The following MTUS2 variants were observed in gnomAD, a reference collection of about 807,000 sequenced individuals.
MTUS2 encodes microtubule associated scaffold protein 2.
A neutral mutation model predicts 114.1 loss-of-function variants in MTUS2; 40 were observed. The ratio of observed to expected loss-of-function variants is 0.35; its 90% confidence interval spans 0.27 to 0.46. The LOEUF (loss-of-function observed/expected upper bound fraction) is 0.46, where lower values mean the gene tolerates loss of function less well. MTUS2 is among the 20% of genes least tolerant of loss of function. The probability of loss-of-function intolerance (pLI) is 1.00; values close to 1 mark genes in which losing one functional copy is unlikely to be tolerated. For synonymous variants in MTUS2, 688 were observed against 672.0 expected (o/e 1.02, Z -0.37); for missense variants, 1,679 against 1,705.4 (o/e 0.98, Z 0.27).
intron 8 of MTUS2, among the ~76,000 whole-genome samples, chr13:29,365,760 C>G (rs896189781): frequency 3.9e-5 from 6 of 152,176 alleles, no homozygotes; most frequent in African/African-American, 1.4e-4. Flanking sequence ...TGGAATGTCA[C>G]CTGGCCATCC....
chr13:29,414,471 A>T lies in MTUS2; in HGVS notation c.3118-25512A>T, dbSNP rs1261400264. Among the ~76,000 whole-genome samples the T allele has an allele frequency of 8.3e-5, 5 of 60,424 alleles. 1 individual carries two copies. In the South Asian group the frequency reaches 1.4e-3, roughly 17 times the overall value. The allele number at this position is 60,424 out of a possible 152,430, so 39.6% of individuals were successfully genotyped here. A position where few individuals can be genotyped will look rare whatever the true frequency, so the allele number is the denominator to read the frequency against. On this transcript the variant is annotated intron_variant, in intron 8 of 15. Coordinates refer to ENST00000612955, the MANE Select transcript of MTUS2 (RefSeq NM_001033602.4). Reference sequence around the variant, plus strand: ...AGAGTATAATAAAAAAAAAAATTAAAAAAAAAAAAAAAAAAAGAAGACTGT... The same window carrying T: ...AGAGTATAATAAAAAAAAAAATTAATAAAAAAAAAAAAAAAAGAAGACTGT...
intron 5 of MTUS2, among the ~76,000 whole-genome samples, chr13:29,128,730 C>T (rs1174514763): frequency 3.3e-5 from 5 of 152,010 alleles, no homozygotes; most frequent in Admixed American, 2.0e-4. Context: ...CCATGTGTCA[C>T]TCATGTTGTT....
At chr13:29,128,920 C>T (rs1481042779) in intron 5 of MTUS2, among the ~76,000 whole-genome samples, 1 of 152,136 alleles carries the variant, frequency 6.6e-6, no homozygotes, top group Non-Finnish European at 1.5e-5. Flanking sequence ...ATGAGGAAAA[C>T]CTTCATCTTT....
rs576843935 is a variant in MTUS2 at position 29,456,951 on chromosome 13, C to A, written c.3184+16902C>A. 2.0e-5 allele frequency among the ~76,000 whole-genome samples: 3 copies of A among 151,740 alleles called. No individual in the cohort carries two copies. The East Asian group carries it at 5.8e-4, about 29-fold the overall frequency. On this transcript the variant is annotated intron_variant, in intron 9 of 15. Transcript: ENST00000612955. ...AGGAGATGGAGACCATCCTGGCTAA[C>A]ATGGTGAAACCCCGTCTCTACTAAA...
At chr13:29,488,101 C>T (rs1175091656) in intron 11 of MTUS2, 96 bp downstream of exon 11, 1 of 923,106 alleles carries the variant, frequency 1.1e-6, no homozygotes, top group East Asian at 2.5e-5. Flanking sequence ...CTCTCTTGTC[C>T]CTCCTTTCCT....
chr13:28,880,969 A>C (rs962345489), intron 2 of MTUS2, among the ~76,000 whole-genome samples: 19 of 152,336 alleles, frequency 1.2e-4, no homozygotes, highest in African/African-American at 4.6e-4. Flanking sequence ...TAGAATCACC[A>C]AGATACTTTT....
intron 5 of MTUS2, chr13:29,250,550 A>G (rs1244207103): frequency 6.7e-6 from 1 of 150,374 alleles, no homozygotes; most frequent in Non-Finnish European, 1.5e-5. Flanking sequence ...CCGGAGGGAA[A>G]TACTACACAT....
intron 7 of MTUS2, among the ~76,000 whole-genome samples, chr13:29,335,023 G>A (rs1900981248): frequency 1.3e-5 from 2 of 152,196 alleles, no homozygotes; most frequent in Non-Finnish European, 2.9e-5. Context: ...TTAAGAACAG[G>A]ATAACAGCAA....
chr13:29,130,652 AGCCTT>A (rs1027777216), intron 5 of MTUS2, among the ~76,000 whole-genome samples: 3 of 152,082 alleles, frequency 2.0e-5, no homozygotes, highest in Admixed American at 6.5e-5. Flanking sequence ...TTTGAGATGG[AGCCTT>A]GCTCTGTTGC....
intron 8 of MTUS2, among the ~76,000 whole-genome samples, chr13:29,375,535 ATACG>A (rs1871551577): frequency 4.6e-4 from 3 of 6,536 alleles, no homozygotes; most frequent in Non-Finnish European, 1.9e-3. Context: ...ATATATATAT[ATACG>A]TGTATATATA....
intron 2 of MTUS2, among the ~76,000 whole-genome samples, chr13:29,003,885 G>T (rs1192187570): frequency 6.6e-6 from 1 of 152,176 alleles, no homozygotes; most frequent in African/African-American, 2.4e-5. Flanking sequence ...CACAGGTGCT[G>T]TCTCTCATCT....
rs138770494 is a variant in MTUS2, at chr13:28,946,117, T to C, written c.-242-78340T>C. On this transcript the variant is annotated intron_variant, in intron 2 of 15. Transcript: ENST00000612955. ...TATAACAATGGTAATCTGTAAGTAT[T>C]AGCTATAGGAAAAAGTTCTCTTACT... 5.8e-3 allele frequency among the ~76,000 whole-genome samples: 877 copies of C among 152,314 alleles called. 9 individuals carry two copies. The highest frequency in any genetic ancestry group is 0.02 in the African/African-American group (840 of 41,564).
In MTUS2 at chr13:29,504,888, C is replaced by T. The variant is rs527613117; in HGVS notation, c.*1682C>T. The T allele has an allele frequency of 6.5e-5, 15 of 232,528 alleles. No individual in the cohort carries two copies. Among genetic ancestry groups the T allele is most frequent in the African/African-American group, 2.6e-4 (12 of 45,398 alleles). 14.4% of individuals were successfully genotyped at this position (232,528 alleles called of 1,614,324 possible). On this transcript the variant is annotated 3_prime_UTR_variant, in exon 16 of 16. Coordinates refer to ENST00000612955, the MANE Select transcript of MTUS2 (RefSeq NM_001033602.4). The stretch of plus-strand genomic sequence containing the variant: ...AACGGGGAAGAAAACAGCCCGCGGA[C>T]GGGGTCGGCTTGTCCAGGGCACGCC...
At chr13:29,203,560 G>GAA (rs57964712) in intron 5 of MTUS2, among the ~76,000 whole-genome samples, 2,514 of 116,066 alleles carry the variant, frequency 0.022, 91 homozygotes, top group African/African-American at 0.073. Flanking sequence ...ACTGGGGTAT[G>GAA]AAAAAAAAAA....
At chr13:28,840,457 T>TTCAC (rs1285337061) in intron 2 of MTUS2, among the ~76,000 whole-genome samples, 1 of 152,268 alleles carries the variant, frequency 6.6e-6, no homozygotes, top group African/African-American at 2.4e-5. Context: ...CTGTAAGACA[T>TTCAC]TCACTTCCAT....
chr13:29,028,619 T>C (rs1886673067), intron 3 of MTUS2, among the ~76,000 whole-genome samples: 2 of 151,952 alleles, frequency 1.3e-5, no homozygotes, highest in South Asian at 2.1e-4. Flanking sequence ...TGTGTTCCAA[T>C]GTTATCTCCT....
chr13:29,301,602 G>A (rs1391002105), intron 6 of MTUS2, among the ~76,000 whole-genome samples: 6 of 152,172 alleles, frequency 3.9e-5, no homozygotes, highest in East Asian at 3.9e-4. Context: ...AAGTTAGACC[G>A]AGATTACCAC....
chr13:28,900,139 C>A (rs149000156), intron 2 of MTUS2, among the ~76,000 whole-genome samples: 15 of 152,368 alleles, frequency 9.8e-5, no homozygotes, highest in African/African-American at 3.6e-4. Context: ...TTGCTCACCT[C>A]AGCCTCCCAA....
At chr13:28,915,507 A>G (rs1221901393) in intron 2 of MTUS2, among the ~76,000 whole-genome samples, 1 of 151,888 alleles carries the variant, frequency 6.6e-6, no homozygotes, top group African/African-American at 2.4e-5. Context: ...GGGTGAGGTA[A>G]TATCTCATTG....
Sources: allele counts gnomAD v4.1 joint callset (sites outside exome capture counted in the v4.1 genomes callset), GRCh38; gene constraint gnomAD v4.1.1; transcripts MANE v1.5; gene names NCBI Gene and HGNC (gene_info 2026-07-23, HGNC 2026-07-21).